The following HECTD2 variants were observed in gnomAD, a reference collection of about 807,000 sequenced individuals.
HECTD2 encodes the protein probable E3 ubiquitin-protein ligase HECTD2.
A neutral mutation model predicts 103.2 loss-of-function variants in HECTD2; 35 were observed. That is an observed-to-expected ratio of 0.34 (90% CI 0.26 to 0.45). The LOEUF (loss-of-function observed/expected upper bound fraction) is 0.45. Ranked by LOEUF, HECTD2 falls within the 20% of genes least tolerant of loss-of-function variation. HECTD2 has a pLI of 1.00. For synonymous variants in HECTD2, 281 were observed against 329.9 expected, an observed-to-expected ratio of 0.85 and a Z score of 1.61; for missense variants, 596 against 937.4, an observed-to-expected ratio of 0.64 and a Z score of 4.76.
chr10:91,415,442 T>C (rs955052533), intron 1 of HECTD2, among the ~76,000 whole-genome samples: 1 of 152,224 alleles, frequency 6.6e-6, no homozygotes, highest in African/African-American at 2.4e-5. Context: ...GTGCCTACTC[T>C]GTGCTAAGCA....
chr10:91,421,710 G>T (rs568246395), intron 1 of HECTD2, among the ~76,000 whole-genome samples: 1 of 152,102 alleles, frequency 6.6e-6, no homozygotes. Context: ...AGTGAGCATT[G>T]GTTCCTTTAG....
intron 2 of HECTD2, among the ~76,000 whole-genome samples, chr10:91,457,963 A>T (rs1845178118): frequency 6.6e-6 from 1 of 151,428 alleles, no homozygotes; most frequent in African/African-American, 2.4e-5. Flanking sequence ...AAAAAGACAT[A>T]CAGATTAGAA....
chr10:91,473,060 G>T (rs930217837), intron 5 of HECTD2, among the ~76,000 whole-genome samples: 3 of 152,126 alleles, frequency 2.0e-5, no homozygotes, highest in African/African-American at 7.2e-5. Flanking sequence ...AAGAATGGGG[G>T]TGTATATTTA....
At chr10:91,410,209 G>A (rs1450383442), upstream of HECTD2, 1 of 152,002 alleles carries the variant, frequency 6.6e-6, no homozygotes, top group Non-Finnish European at 1.5e-5. Flanking sequence ...GCGAGAGCAA[G>A]AAACCTGTGG....
At chr10:91,499,842 G>C (rs1846825476) in intron 18 of HECTD2, among the ~76,000 whole-genome samples, 1 of 152,132 alleles carries the variant, frequency 6.6e-6, no homozygotes, top group South Asian at 2.1e-4. Context: ...AAGTTGCTTT[G>C]GGGCAAAACC....
chr10:91,431,169 G>A (rs565040282), intron 2 of HECTD2, among the ~76,000 whole-genome samples: 1 of 151,774 alleles, frequency 6.6e-6, no homozygotes, highest in South Asian at 2.1e-4. Context: ...GAAATTCTGG[G>A]TTGAAAATTC....
chr10:91,508,781 C>T (rs1444609244), intron 20 of HECTD2, among the ~76,000 whole-genome samples: 4 of 151,646 alleles, frequency 2.6e-5, no homozygotes, highest in Non-Finnish European at 5.9e-5. Context: ...TGGGTATATA[C>T]CCAAAGGACT....
intron 15 of HECTD2, among the ~76,000 whole-genome samples, chr10:91,496,601 G>C (rs1437900503): frequency 1.3e-5 from 2 of 152,032 alleles, no homozygotes; most frequent in Non-Finnish European, 2.9e-5. Flanking sequence ...TCGAATCCAG[G>C]CTCTGTCACT....
intron 20 of HECTD2, among the ~76,000 whole-genome samples, chr10:91,508,908 A>G (rs1303822338): frequency 6.6e-6 from 1 of 151,678 alleles, no homozygotes; most frequent in Non-Finnish European, 1.5e-5. Context: ...GATTAAGAAA[A>G]TGTGGCACAT....
intron 2 of HECTD2, among the ~76,000 whole-genome samples, chr10:91,459,147 G>A (rs1845234674): frequency 1.3e-5 from 2 of 151,856 alleles, no homozygotes; most frequent in Admixed American, 6.6e-5. Context: ...TAACCATTAG[G>A]AAAATGAAAA....
At chr10:91,421,920 G>T (rs1014339858) in intron 1 of HECTD2, among the ~76,000 whole-genome samples, 1 of 152,080 alleles carries the variant, frequency 6.6e-6, no homozygotes, top group Admixed American at 6.6e-5. Context: ...ACCTGAAATC[G>T]CTGTTAACAA....
At chr10:91,434,853 C>A (rs1038271756) in intron 2 of HECTD2, among the ~76,000 whole-genome samples, 1 of 151,950 alleles carries the variant, frequency 6.6e-6, no homozygotes, top group Non-Finnish European at 1.5e-5. Flanking sequence ...ATTTTCTCAT[C>A]TGTAAAACTG....
chr10:91,445,619 G>T (rs1019907515), intron 2 of HECTD2, among the ~76,000 whole-genome samples: 6 of 151,974 alleles, frequency 3.9e-5, no homozygotes, highest in Non-Finnish European at 8.8e-5. Flanking sequence ...GAACAGCTCC[G>T]GTCTGCAGCT....
chr10:91,435,742 T>C (rs1844087482), intron 2 of HECTD2, among the ~76,000 whole-genome samples: 1 of 152,032 alleles, frequency 6.6e-6, no homozygotes. Flanking sequence ...TCCCTTGTGC[T>C]ATATACTCGG....
At chr10:91,501,369 A>G (rs762525687) in intron 20 of HECTD2, 35 bp downstream of exon 20, 13 of 1,378,332 alleles carry the variant, frequency 9.4e-6, no homozygotes, top group Non-Finnish European at 1.3e-5. Context: ...TTTAAATCTA[A>G]AGGTTACTGC....
At chr10:91,500,172 G>A (rs1432762889) in intron 18 of HECTD2, among the ~76,000 whole-genome samples, 1 of 152,192 alleles carries the variant, frequency 6.6e-6, no homozygotes, top group Non-Finnish European at 1.5e-5. Flanking sequence ...ATTGGAAGGA[G>A]ATACTAGGAT....
intron 2 of HECTD2, among the ~76,000 whole-genome samples, chr10:91,436,776 A>C (rs1175325583): frequency 6.6e-6 from 1 of 151,984 alleles, no homozygotes; most frequent in Non-Finnish European, 1.5e-5. Flanking sequence ...AGTATAAATC[A>C]GTTACTTTGT....
intron 2 of HECTD2, among the ~76,000 whole-genome samples, chr10:91,437,053 A>G (rs1844148666): frequency 6.6e-6 from 1 of 152,076 alleles, no homozygotes; most frequent in Non-Finnish European, 1.5e-5. Flanking sequence ...TGAGATTCTG[A>G]GAGATTACGT....
chr10:91,410,560 G>T lies in HECTD2; in HGVS notation c.122G>T (p.Gly41Val). 6.9e-7 allele frequency: 1 copy of T among 1,439,678 alleles called. No individual in the cohort carries two copies. Among genetic ancestry groups the T allele is most frequent in the African/African-American group, 1.5e-5 (1 of 67,894 alleles). 89.2% of individuals were successfully genotyped at this position (1,439,678 alleles called of 1,614,324 possible). A position where few individuals can be genotyped will look rare whatever the true frequency, so the allele number is the denominator to read the frequency against. The change falls in exon 1 of 21, where the codon GGC (glycine) becomes GTC (valine). Residue 41 changes from glycine to valine, a missense_variant. Physicochemically the swap from Gly to Val is moderately radical, Grantham distance 109. Coordinates refer to ENST00000298068, the MANE Select transcript of HECTD2 (RefSeq NM_182765.6). ...REKLPPIVSAGAGATAGLDRG... is the reference protein window; with the variant it reads ...REKLPPIVSAVAGATAGLDRG... ...AAGCTGCCGCCCATCGTATCGGCGG[G>T]CGCCGGCGCGACCGCGGTAGGTGGT...
Sources: gnomAD v4.1 joint callset for allele counts (sites outside exome capture counted in the v4.1 genomes callset) on GRCh38, gnomAD v4.1.1 for gene constraint, MANE v1.5 for transcripts, NCBI Gene and HGNC (gene_info 2026-07-23, HGNC 2026-07-21) for gene names.